Variants in KMT2E observed in about 807,000 individuals in gnomAD.
KMT2E encodes the protein lysine methyltransferase 2E (inactive), also known as histone reader KMT2E.
In KMT2E, 30 loss-of-function variants were observed where a neutral mutation model predicts 184.6. That is an observed-to-expected ratio of 0.16 (90% CI 0.12 to 0.22). KMT2E has a LOEUF of 0.22. Ranked by LOEUF, KMT2E falls within the 10% of genes least tolerant of loss-of-function variation. The probability of loss-of-function intolerance (pLI) is 1.00; values close to 1 mark genes in which losing one functional copy is unlikely to be tolerated. For missense variants in KMT2E, 2,023 were observed against 2,237.4 expected (o/e 0.90, Z 1.93); for synonymous variants, 815 against 776.5 (o/e 1.05, Z -0.82).
rs1013494145 is a variant in KMT2E, at chr7:105,107,758, AT to A, written c.3302del (p.Ile1101LysfsTer7). 1 of 1,614,024 alleles carries A rather than the reference AT, an allele frequency of 6.2e-7. No homozygotes were observed. Among genetic ancestry groups the A allele is most frequent in the African/African-American group, 1.3e-5 (1 of 74,922 alleles). On this transcript the variant is annotated frameshift_variant, in exon 22 of 27. Coordinates refer to ENST00000311117, the MANE Select transcript of KMT2E (RefSeq NM_182931.3). LOFTEE classifies it high-confidence loss of function. ...HQLEVGGGFRISESKCLMQDD... is the reference protein window; with the variant it reads ...HQLEVGGGFRXSESKCLMQDD... ...GTTGGAGGTTGGAGGAGGCTTCCGA[AT>A]AAGTGAGTCAAAGTGCCTGATGCAG...
intron 2 of KMT2E, among the ~76,000 whole-genome samples, chr7:105,038,870 T>C (rs1012802504): frequency 7.9e-5 from 12 of 152,212 alleles, no homozygotes; most frequent in Admixed American, 3.9e-4. Flanking sequence ...CTTAATGTCT[T>C]AATACATATG....
At chr7:105,105,196 A>G (rs373005558) in intron 17 of KMT2E, 4 of 342,916 alleles carry the variant, frequency 1.2e-5, no homozygotes, top group Non-Finnish European at 1.0e-5. Context: ...TTCATGTAAT[A>G]TAAATATTTA....
At position 105,091,025 on chromosome 7, in the gene KMT2E, C is replaced by T. The variant is rs536330322; in HGVS notation, c.1624-191C>T. Among the ~76,000 whole-genome samples, 7 of 152,102 alleles carry T rather than the reference C, an allele frequency of 4.6e-5. No homozygotes were observed. The East Asian group carries it at 1.2e-3, about 25-fold the overall frequency. On this transcript the variant is annotated intron_variant, in intron 14 of 26. Coordinates refer to ENST00000311117, the MANE Select transcript of KMT2E (RefSeq NM_182931.3). ...ACTTGATTGGCTAAAATTTAAAAAG[C>T]GAAAGTATTTGATTGCATAATTTTG... is the stretch of plus-strand genomic sequence containing the variant.
intron 1 of KMT2E, among the ~76,000 whole-genome samples, chr7:105,023,243 A>C (rs952277968): frequency 1.6e-4 from 24 of 152,028 alleles, no homozygotes; most frequent in Non-Finnish European, 8.8e-5. Context: ...TCTACTAAAA[A>C]TACAAAAAAT....
In KMT2E at chr7:105,113,730, A is replaced by G. The variant is rs1799445965; in HGVS notation, c.*397A>G. 6.1e-6 allele frequency: 1 copy of G among 164,630 alleles called. No individual in the cohort carries two copies. Among genetic ancestry groups the G allele is most frequent in the Non-Finnish European group, 1.3e-5 (1 of 75,108 alleles). The allele number at this position is 164,630 out of a possible 1,614,324, so 10.2% of individuals were successfully genotyped here. On this transcript the variant is annotated 3_prime_UTR_variant, in exon 27 of 27. Coordinates refer to ENST00000311117, the MANE Select transcript of KMT2E (RefSeq NM_182931.3). ...TTTCCTGTCAGCAGCAGTTCTGTGA[A>G]TGCATCTTAGGTATAAAAATGCAAT... is the stretch of plus-strand genomic sequence containing the variant.
intron 3 of KMT2E, among the ~76,000 whole-genome samples, chr7:105,052,729 T>A (rs548084618): frequency 1.5e-4 from 23 of 151,820 alleles, no homozygotes; most frequent in South Asian, 4.2e-4. Flanking sequence ...CAGCTAATTT[T>A]TTTTTTTATT....
intron 3 of KMT2E, among the ~76,000 whole-genome samples, chr7:105,050,632 TTTTC>T (rs1796291309): frequency 1.4e-5 from 2 of 139,750 alleles, no homozygotes; most frequent in African/African-American, 2.6e-5. Context: ...TTTTCTTTTC[TTTTC>T]TCTTTTCTTT....
At chr7:105,037,622 C>T (rs916541762) in intron 1 of KMT2E, among the ~76,000 whole-genome samples, 18 of 152,154 alleles carry the variant, frequency 1.2e-4, no homozygotes, top group African/African-American at 4.3e-4. Context: ...CTCAGCTGCT[C>T]AAAGTGCTGG....
At chr7:105,111,496 TTGGAGTTCTTCA>T (rs1386051373) in intron 26 of KMT2E, among the ~76,000 whole-genome samples, 1 of 152,132 alleles carries the variant, frequency 6.6e-6, no homozygotes, top group Non-Finnish European at 1.5e-5. Flanking sequence ...AAACTTGCTA[TTGGAGTTCTTCA>T]GAGTGAGGCT....
chr7:105,105,575 C>T lies in KMT2E; in HGVS notation c.2333C>T (p.Thr778Ile). The change falls in exon 18 of 27, where the codon ACT becomes ATT. Residue 778 changes from threonine to isoleucine, a missense_variant. Around this residue, in one of 8 missense-constraint regions of KMT2E, gnomAD observed 514 missense variants for 621.8 expected, o/e 0.83. Transcript: ENST00000311117. ...ATQLNSLPGL[T>I]YSPHVYSTPK... ...CAACTCAATTCTTTACCAGGTCTCA[C>T]TTACAGCCCCCATGTATACTCCACT... 6.2e-7 allele frequency: 1 copy of T among 1,614,074 alleles called. No individual in the cohort carries two copies. The highest frequency in any genetic ancestry group is 1.1e-5 in the South Asian group (1 of 91,084).
Position 105,111,837 on chromosome 7 carries a change from G to T in KMT2E, c.4081G>T (p.Gly1361Ter). 1.2e-6 allele frequency: 2 copies of T among 1,611,994 alleles called. No individual in the cohort carries two copies. The highest frequency in any genetic ancestry group is 1.1e-5 in the South Asian group (1 of 90,714). Residue 1361 changes from glycine (G) to a stop codon, truncating the protein, a stop_gained, in exon 27 of 27, where the codon GGA becomes TGA. Coordinates refer to ENST00000311117, the MANE Select transcript of KMT2E (RefSeq NM_182931.3). LOFTEE classifies it high-confidence loss of function. ...PPKMSKPGSP[G>*]SVIPAQAHGK... ...TTTCTCTTCATAGCCTGGTTCACCT[G>T]GATCTGTAATTCCTGCTCAAGCACA... is the stretch of plus-strand genomic sequence containing the variant.
intron 3 of KMT2E, among the ~76,000 whole-genome samples, chr7:105,049,672 C>A (rs1796248256): frequency 6.6e-6 from 1 of 152,104 alleles, no homozygotes; most frequent in Non-Finnish European, 1.5e-5. Context: ...GGGCAGATCA[C>A]CTGAGATCAG....
intron 6 of KMT2E, among the ~76,000 whole-genome samples, chr7:105,069,644 G>T (rs1055339290): frequency 6.6e-5 from 10 of 152,170 alleles, no homozygotes; most frequent in African/African-American, 2.4e-4. Flanking sequence ...AGATTCACAT[G>T]CAGTTGTGAA....
intron 15 of KMT2E, among the ~76,000 whole-genome samples, chr7:105,092,305 G>A (rs1798238785): frequency 6.6e-6 from 1 of 152,134 alleles, no homozygotes; most frequent in South Asian, 2.1e-4. Flanking sequence ...AAGAGGCTGA[G>A]GTGGAAGAAT....
At position 105,101,892 on chromosome 7, in the gene KMT2E, G is replaced by A; in HGVS notation, c.1894G>A (p.Ala632Thr). ...CGCTTGTATTTTGAATTAGGAACAA[G>A]CAAAAGAAGAAAATGCTAGCAAGCC... ...VSDAEVIQEQ[A>T]KEENASKPTP... Residue 632 changes from alanine to threonine, a missense_variant, in exon 17 of 27, where the codon GCA becomes ACA. Physicochemically the swap from Ala to Thr is moderately conservative, Grantham distance 58 (BLOSUM62 0). This residue lies in a region of KMT2E where 514 missense variants were observed against 621.8 expected (regional missense o/e 0.83). Transcript: ENST00000311117. 1 of 1,606,780 alleles carries A rather than the reference G, an allele frequency of 6.2e-7. No individual in the cohort carries two copies. The highest frequency in any genetic ancestry group is 8.5e-7 in the Non-Finnish European group (1 of 1,177,976).
At chr7:105,089,187 C>A (rs972985829) in intron 13 of KMT2E, 1 of 374,454 alleles carries the variant, frequency 2.7e-6, no homozygotes, top group African/African-American at 2.2e-5. Context: ...ATCTGAAATC[C>A]AAAATCCTAA....
At chr7:105,111,071 A>AT in intron 26 of KMT2E, 1 of 553,984 alleles carries the variant, frequency 1.8e-6, no homozygotes, top group South Asian at 2.5e-5. Context: ...CTGACCAAAC[A>AT]TTCAAGTTTT....
chr7:105,066,947 C>CT, intron 6 of KMT2E, 140 bp downstream of exon 6: 1 of 600,866 alleles, frequency 1.7e-6, no homozygotes, highest in Non-Finnish European at 3.0e-6. Flanking sequence ...GTGCCAACTA[C>CT]TTGGGAGGCT....
intron 15 of KMT2E, among the ~76,000 whole-genome samples, chr7:105,095,942 C>A (rs903046317): frequency 5.3e-5 from 8 of 152,154 alleles, no homozygotes; most frequent in Middle Eastern, 3.4e-3. Flanking sequence ...CAGCAAACTT[C>A]TGAAAGATTT....
Sources: gnomAD v4.1 joint callset for allele counts (sites outside exome capture counted in the v4.1 genomes callset) on GRCh38, gnomAD v4.1.1 for gene constraint, gnomAD v4.1.1 regional missense constraint, MANE v1.5 for transcripts, NCBI Gene and HGNC (gene_info 2026-07-23, HGNC 2026-07-21) for gene names.